ABHD12: variants seen among roughly 807,000 people sequenced by gnomAD.
ABHD12 encodes the protein lysophosphatidylserine lipase ABHD12.
Under a neutral mutation model 58.3 loss-of-function variants are expected in ABHD12, and 43 were observed. The ratio of observed to expected loss-of-function variants is 0.74; its 90% CI spans 0.58 to 0.95. ABHD12 has a LOEUF of 0.95. Ranked by LOEUF, ABHD12 falls within the 40% of genes least tolerant of loss-of-function variation. The pLI is 0.00. For missense variants in ABHD12, 539 were observed against 537.2 expected, an observed-to-expected ratio of 1.00 and a Z score of -0.03; for synonymous variants, 219 against 211.2, an observed-to-expected ratio of 1.04 and a Z score of -0.32.
In ABHD12 at chr20:25,350,147, T is replaced by A. The variant is rs536641120; in HGVS notation, c.192-10796A>T. 3.9e-5 allele frequency among the ~76,000 whole-genome samples: 6 copies of A among 152,216 alleles called. No individual in the cohort carries two copies. The East Asian group carries it at 1.2e-3, about 29-fold the overall frequency. Reference sequence around the variant, plus strand: ...CAAGTTTATACCTGCTTCAAACCAGTAATCAAACCAAAGCAAAACATAGCA... The same window carrying A: ...CAAGTTTATACCTGCTTCAAACCAGAAATCAAACCAAAGCAAAACATAGCA... On this transcript the variant is annotated intron_variant, in intron 1 of 12. Coordinates refer to ENST00000339157, the MANE Select transcript of ABHD12 (RefSeq NM_001042472.3).
intron 1 of ABHD12, among the ~76,000 whole-genome samples, chr20:25,351,370 C>T (rs2146063643): frequency 6.6e-6 from 1 of 152,320 alleles, no homozygotes; most frequent in South Asian, 2.1e-4. Flanking sequence ...AGGATCAGAA[C>T]CACCATCACT....
rs541994743 is a variant in ABHD12 at position 25,318,567 on chromosome 20, G to A, written c.543-1489C>T. ...AGAAAGCAGGCAACGTGGGGGTGGC[G>A]AGGACTGCAGCCAGGCAGTCTCTGC... On this transcript the variant is annotated intron_variant, in intron 4 of 12. Transcript: ENST00000339157. Among the ~76,000 whole-genome samples the A allele has an allele frequency of 7.2e-5, 11 of 152,170 alleles. No individual in the cohort carries two copies. The East Asian group carries it at 1.4e-3, about 19-fold the overall frequency.
downstream of ABHD12, chr20:25,300,193 C>A (rs553486558): frequency 6.0e-6 from 6 of 994,182 alleles, no homozygotes; most frequent in African/African-American, 1.7e-5. Flanking sequence ...TGACCCTTCT[C>A]GCGCTGCAGA....
intron 1 of ABHD12, among the ~76,000 whole-genome samples, chr20:25,355,122 A>T (rs2089650234): frequency 6.6e-6 from 1 of 152,166 alleles, no homozygotes; most frequent in Non-Finnish European, 1.5e-5. Flanking sequence ...CTGCTAAGCT[A>T]CAGTGGGGTG....
chr20:25,390,563 C>A lies in ABHD12; in HGVS notation c.141G>T (p.Ala47=), dbSNP rs954334660. 9 of 1,479,322 alleles carry A rather than the reference C, an allele frequency of 6.1e-6. No homozygotes were observed. The East Asian group carries it at 2.1e-4, about 35-fold the overall frequency. 91.6% of individuals were successfully genotyped at this position (1,479,322 alleles called of 1,614,324 possible). The change falls in exon 1 of 13, where the codon GCG becomes GCT. Residue 47 remains alanine (A), a synonymous_variant. Transcript: ENST00000339157. ...CGTCGGCTGCGCAGCGCGGCTCAGC[C>A]GCCGCCGGGCCCGTCAGGCGTAGGT... The part of the protein sequence containing the change: ...KQNLRLTGPA[A]AEPRCAADAG...
chr20:25,296,460 G>A (rs200718011), downstream of ABHD12: 356 of 1,613,870 alleles, frequency 2.2e-4, no homozygotes, highest in Non-Finnish European at 3.0e-4. Context: ...GTATGCACGG[G>A]AGATCTGGGG....
intron 2 of ABHD12, among the ~76,000 whole-genome samples, chr20:25,329,096 C>T (rs2089224503): frequency 6.6e-6 from 1 of 152,212 alleles, no homozygotes; most frequent in African/African-American, 2.4e-5. Context: ...ACCCTCTGGC[C>T]TCCCACGTGG....
chr20:25,300,030 G>A (rs2088607417), downstream of ABHD12, among the ~76,000 whole-genome samples: 1 of 152,136 alleles, frequency 6.6e-6, no homozygotes, highest in African/African-American at 2.4e-5. Flanking sequence ...CTTGGAGAAA[G>A]GGGCGAGCAG....
chr20:25,313,535 C>A (rs1276288855), intron 6 of ABHD12, among the ~76,000 whole-genome samples: 1 of 151,250 alleles, frequency 6.6e-6, no homozygotes, highest in Admixed American at 6.6e-5. Flanking sequence ...TGTCCTATGA[C>A]CCTGCCAAAT....
chr20:25,332,685 A>G (rs1473639654), intron 2 of ABHD12, among the ~76,000 whole-genome samples: 1 of 150,152 alleles, frequency 6.7e-6, no homozygotes, highest in African/African-American at 2.5e-5. Flanking sequence ...TGGAAACTGA[A>G]CAACCTGCTC....
chr20:25,349,083 CAA>C (rs61219186), intron 1 of ABHD12, among the ~76,000 whole-genome samples: 11 of 61,666 alleles, frequency 1.8e-4, no homozygotes, highest in Non-Finnish European at 2.2e-4. Flanking sequence ...GACTCCGTCT[CAA>C]AAAAAAAAAA....
At chr20:25,363,173 T>A (rs1425828089) in intron 1 of ABHD12, among the ~76,000 whole-genome samples, 1 of 151,938 alleles carries the variant, frequency 6.6e-6, no homozygotes, top group African/African-American at 2.4e-5. Flanking sequence ...CAAATATTTA[T>A]CAAGTGTTCA....
intron 3 of ABHD12, among the ~76,000 whole-genome samples, chr20:25,322,382 T>TATATATATA (rs1491359839): frequency 1.1e-3 from 44 of 38,280 alleles, no homozygotes; most frequent in African/African-American, 3.8e-3. Context: ...TATATATATA[T>TATATATATA]TTTTTTTTTT....
chr20:25,332,316 G>A (rs1440995809), intron 2 of ABHD12, among the ~76,000 whole-genome samples: 131 of 151,516 alleles, frequency 8.6e-4, no homozygotes, highest in African/African-American at 3.0e-3. Flanking sequence ...CAAGTCCTGA[G>A]TGACCTACAA....
intron 1 of ABHD12, among the ~76,000 whole-genome samples, chr20:25,364,043 G>A (rs188645844): frequency 6.5e-4 from 99 of 152,256 alleles, no homozygotes; most frequent in Admixed American, 1.8e-3. Flanking sequence ...GAATGGAGCA[G>A]GAAAACCTCC....
intron 10 of ABHD12, among the ~76,000 whole-genome samples, chr20:25,303,962 G>GA (rs2088688305): frequency 6.6e-6 from 1 of 152,206 alleles, no homozygotes; most frequent in South Asian, 2.1e-4. Context: ...ATGTTACTAG[G>GA]AATCTGTTGG....
intron 2 of ABHD12, among the ~76,000 whole-genome samples, chr20:25,333,545 G>A (rs1277452970): frequency 2.0e-5 from 3 of 150,912 alleles, no homozygotes; most frequent in Non-Finnish European, 4.4e-5. Context: ...GAACATTGAT[G>A]CAAAAATCCT....
intron 11 of ABHD12, among the ~76,000 whole-genome samples, chr20:25,302,889 T>TG (rs1361855827): frequency 6.6e-6 from 1 of 152,192 alleles, no homozygotes; most frequent in Non-Finnish European, 1.5e-5. Flanking sequence ...CTCCCAGCCC[T>TG]GGGCTGAATC....
chr20:25,382,505 C>G (rs985833538), intron 1 of ABHD12, among the ~76,000 whole-genome samples: 3 of 152,114 alleles, frequency 2.0e-5, no homozygotes, highest in Non-Finnish European at 4.4e-5. Flanking sequence ...AGATTTCACT[C>G]TGGAAGGACA....
Sources: allele counts gnomAD v4.1 joint callset (sites outside exome capture counted in the v4.1 genomes callset), GRCh38; gene constraint gnomAD v4.1.1; transcripts MANE v1.5; gene names NCBI Gene and HGNC (gene_info 2026-07-23, HGNC 2026-07-21).